Variants in PLA2R1 observed in about 807,000 individuals in gnomAD.
PLA2R1 encodes phospholipase A2 receptor 1, also known as secretory phospholipase A2 receptor.
A neutral mutation model predicts 195.9 loss-of-function variants in PLA2R1; 158 were observed. The observed-to-expected ratio is 0.81, with a 90% CI of 0.71 to 0.92. The LOEUF (loss-of-function observed/expected upper bound fraction) is 0.92. PLA2R1 is among the 40% of genes least tolerant of loss of function. The pLI, the probability that PLA2R1 is intolerant of heterozygous loss-of-function variation, is 0.00. For synonymous variants in PLA2R1, 586 were observed against 598.2 expected (o/e 0.98, Z 0.30); for missense variants, 1,626 against 1,764.6 (o/e 0.92, Z 1.41).
At chr2:160,049,296 GGGA>G (rs1695077249) in intron 1 of PLA2R1, among the ~76,000 whole-genome samples, 1 of 152,074 alleles carries the variant, frequency 6.6e-6, no homozygotes, top group Admixed American at 6.5e-5. Context: ...TCTAAGGAGC[GGGA>G]GGAGAATGTT....
Position 159,939,188 on chromosome 2 carries a change from T to C in PLA2R1, c.*2590A>G, listed in dbSNP as rs1389887389. 1 of 152,178 alleles carries C rather than the reference T, an allele frequency of 6.6e-6. No individual in the cohort carries two copies. The highest frequency in any genetic ancestry group is 1.9e-4 in the East Asian group (1 of 5,196). 9.4% of individuals were successfully genotyped at this position (152,178 alleles called of 1,614,324 possible). On this transcript the variant is annotated 3_prime_UTR_variant, in exon 30 of 30. Transcript: ENST00000283243. ...GCTACTTTTTTTTCTTTTCGAATTA[T>C]AGCTATAAAATCTAGTTCACATTAA...
chr2:160,015,983 A>C (rs2667041), intron 9 of PLA2R1, among the ~76,000 whole-genome samples: 1 of 152,098 alleles, frequency 6.6e-6, no homozygotes, highest in Non-Finnish European at 1.5e-5. Flanking sequence ...GAAAACCATA[A>C]GTCAGGCACA....
At position 160,028,371 on chromosome 2, in the gene PLA2R1, CAAT is replaced by C. The variant is rs761772098; in HGVS notation, c.956-13_956-11del. ...GGCTCAAAATTTACCTCTGAAAATA[CAAT>C]GAGTGTCTTTAATATTAGAAGCAAA... is the stretch of plus-strand genomic sequence containing the variant. On this transcript the variant is annotated splice_polypyrimidine_tract_variant and intron_variant, in intron 5 of 29. Transcript: ENST00000283243. The C allele has an allele frequency of 1.3e-6, 2 of 1,591,062 alleles. No homozygotes were observed. The highest frequency in any genetic ancestry group is 2.2e-5 in the East Asian group (1 of 44,728).
chr2:159,977,511 C>A (rs1416440756), intron 14 of PLA2R1, 95 bp from the exon 15 acceptor site: 2 of 1,008,764 alleles, frequency 2.0e-6, no homozygotes, highest in Non-Finnish European at 2.9e-6. Context: ...GCATTATAGG[C>A]TACTCCAGGA....
At position 159,938,921 on chromosome 2, in the gene PLA2R1, T is replaced by C. The variant is rs1368783603; in HGVS notation, c.*2857A>G. On this transcript the variant is annotated 3_prime_UTR_variant, in exon 30 of 30. Coordinates refer to ENST00000283243, the MANE Select transcript of PLA2R1 (RefSeq NM_007366.5). ...CTGTTGTAACTGTAAGAGCCCAATA[T>C]ATTGTTAAATGGAAAAACCCAGGCA... The C allele has an allele frequency of 6.6e-6, 1 of 152,178 alleles. No individual in the cohort carries two copies. Among genetic ancestry groups the C allele is most frequent in the Non-Finnish European group, 1.5e-5 (1 of 68,040 alleles). The allele number at this position is 152,178 out of a possible 1,614,324, so 9.4% of individuals were successfully genotyped here. A position where few individuals can be genotyped will look rare whatever the true frequency, so the allele number is the denominator to read the frequency against.
In PLA2R1 at chr2:160,062,431, C is replaced by T. The variant is rs2105740493; in HGVS notation, c.-28G>A. On this transcript the variant is annotated 5_prime_UTR_variant, in exon 1 of 30. Transcript: ENST00000283243. Reference sequence around the variant, plus strand: ...CTAACCACTGGGCTCTCCGGGAGCCCCTTGTCCCGGGAGCCCCTTATCCCG... The same window carrying T: ...CTAACCACTGGGCTCTCCGGGAGCCTCTTGTCCCGGGAGCCCCTTATCCCG... 2.0e-6 allele frequency: 3 copies of T among 1,522,512 alleles called. No homozygotes were observed. Among genetic ancestry groups the T allele is most frequent in the Non-Finnish European group, 1.8e-6 (2 of 1,135,938 alleles). The allele number at this position is 1,522,512 out of a possible 1,614,324, so 94.3% of individuals were successfully genotyped here.
At chr2:159,948,224 A>AT (rs1001769473) in intron 25 of PLA2R1, among the ~76,000 whole-genome samples, 2 of 151,848 alleles carry the variant, frequency 1.3e-5, no homozygotes, top group Non-Finnish European at 2.9e-5. Flanking sequence ...CTTTAAAAAT[A>AT]TTTTTTTTAA....
At chr2:160,039,466 T>C (rs112042692) in intron 3 of PLA2R1, among the ~76,000 whole-genome samples, 13 of 152,284 alleles carry the variant, frequency 8.5e-5, no homozygotes, top group Admixed American at 3.9e-4. Context: ...TTTTGCTCAT[T>C]TACAATCAAC....
intron 1 of PLA2R1, among the ~76,000 whole-genome samples, chr2:160,053,091 T>G (rs1168385225): frequency 6.6e-6 from 1 of 152,146 alleles, no homozygotes; most frequent in African/African-American, 2.4e-5. Context: ...GAGATTACAG[T>G]GTGGCAGGGA....
chr2:160,054,673 T>C (rs1270431215), intron 1 of PLA2R1, among the ~76,000 whole-genome samples: 1 of 152,248 alleles, frequency 6.6e-6, no homozygotes, highest in Non-Finnish European at 1.5e-5. Flanking sequence ...CTAATCATAA[T>C]TTTCTAATTT....
chr2:160,061,711 G>T (rs550263760), intron 1 of PLA2R1, among the ~76,000 whole-genome samples: 2 of 152,260 alleles, frequency 1.3e-5, no homozygotes, highest in East Asian at 3.9e-4. Context: ...GGAGGCGGAG[G>T]CTGCAGTGAG....
intron 11 of PLA2R1, among the ~76,000 whole-genome samples, chr2:159,989,103 A>G (rs187494389): frequency 9.1e-4 from 139 of 152,304 alleles, no homozygotes; most frequent in African/African-American, 3.2e-3. Flanking sequence ...AGAAGAAAAG[A>G]AAGTCAAGGA....
intron 27 of PLA2R1, chr2:159,945,931 A>T: frequency 1.1e-6 from 1 of 879,212 alleles, no homozygotes; most frequent in Non-Finnish European, 1.4e-6. Flanking sequence ...TAATCGATTT[A>T]AAGAAATCAT....
At chr2:160,042,481 G>A (rs1016050521) in intron 2 of PLA2R1, among the ~76,000 whole-genome samples, 13 of 152,160 alleles carry the variant, frequency 8.5e-5, no homozygotes, top group African/African-American at 3.1e-4. Flanking sequence ...GTGGATGGAT[G>A]AGAAAGAAAC....
Position 160,032,985 on chromosome 2 carries a change from T to A in PLA2R1, c.815A>T (p.Asp272Val). 1 of 1,612,496 alleles carries A rather than the reference T, an allele frequency of 6.2e-7. No homozygotes were observed. Among genetic ancestry groups the A allele is most frequent in the Middle Eastern group, 1.7e-4 (1 of 6,058 alleles). ...MQGGTLLSIT[D>V]ETEENFIREH... ...CCTTATGAAATTTTCTTCAGTTTCA[T>A]CTGTAATACTTAACAGCGTACCTCC... Residue 272 changes from aspartate to valine, a missense_variant, in exon 4 of 30, where the codon GAT becomes GTT. Coordinates refer to ENST00000283243, the MANE Select transcript of PLA2R1 (RefSeq NM_007366.5).
Position 159,937,361 on chromosome 2 carries a change from C to G in PLA2R1, c.*4417G>C, listed in dbSNP as rs1255601448. The G allele has an allele frequency of 6.6e-6, 1 of 152,172 alleles. No individual in the cohort carries two copies. Among genetic ancestry groups the G allele is most frequent in the African/African-American group, 2.4e-5 (1 of 41,436 alleles). The allele number at this position is 152,172 out of a possible 1,614,324, so 9.4% of individuals were successfully genotyped here. Reference sequence around the variant, plus strand: ...TAAAATGCCTTTACCCTATTACAAGCTTTAATCAGAACACAAGAGCAGCAG... The same window carrying G: ...TAAAATGCCTTTACCCTATTACAAGGTTTAATCAGAACACAAGAGCAGCAG... On this transcript the variant is annotated 3_prime_UTR_variant, in exon 30 of 30. Coordinates refer to ENST00000283243, the MANE Select transcript of PLA2R1 (RefSeq NM_007366.5).
rs773124737 is a variant in PLA2R1 at position 159,940,141 on chromosome 2, G to A, written c.*1637C>T. On this transcript the variant is annotated 3_prime_UTR_variant, in exon 30 of 30. Coordinates refer to ENST00000283243, the MANE Select transcript of PLA2R1 (RefSeq NM_007366.5). ...AAATTCATTCATACTTTCTCTCAGA[G>A]CTCCCCCTTGTGATTAGTGGCCACT... The A allele has an allele frequency of 3.9e-5, 6 of 152,058 alleles. No individual in the cohort carries two copies. The highest frequency in any genetic ancestry group is 1.3e-4 in the Admixed American group (2 of 15,250). 9.4% of individuals were successfully genotyped at this position (152,058 alleles called of 1,614,324 possible).
intron 15 of PLA2R1, among the ~76,000 whole-genome samples, chr2:159,977,003 C>T (rs140056240): frequency 6.9e-4 from 105 of 152,322 alleles, no homozygotes; most frequent in African/African-American, 2.5e-3. Flanking sequence ...CAAGTAATTC[C>T]ATTTGCTCTG....
At chr2:160,003,212 T>C (rs1008085486) in intron 11 of PLA2R1, among the ~76,000 whole-genome samples, 13 of 152,028 alleles carry the variant, frequency 8.6e-5, no homozygotes, top group South Asian at 2.1e-4. Context: ...ATCAAAATTA[T>C]ACATTTAAAA....
Sources: allele counts gnomAD v4.1 joint callset (sites outside exome capture counted in the v4.1 genomes callset), GRCh38; gene constraint gnomAD v4.1.1; transcripts MANE v1.5; gene names NCBI Gene and HGNC (gene_info 2026-07-23, HGNC 2026-07-21).